The following AP1AR variants were observed in gnomAD, a reference collection of about 807,000 sequenced individuals.
AP1AR encodes the protein adaptor related protein complex 1 associated regulatory protein, also known as AP-1 complex-associated regulatory protein.
A neutral mutation model predicts 46.3 loss-of-function variants in AP1AR; 29 were observed. That is an observed-to-expected ratio of 0.63 (90% CI 0.47 to 0.85). AP1AR has a LOEUF of 0.85. Ranked by LOEUF, AP1AR falls within the 40% of genes least tolerant of loss-of-function variation. The pLI is 0.00. For synonymous variants in AP1AR, 122 were observed against 122.9 expected (o/e 0.99, Z 0.05); for missense variants, 357 against 356.3 (o/e 1.00, Z -0.02).
At chr4:112,235,062 A>G (rs1301709164) in intron 1 of AP1AR, among the ~76,000 whole-genome samples, 1 of 152,232 alleles carries the variant, frequency 6.6e-6, no homozygotes, top group Non-Finnish European at 1.5e-5. Context: ...GTGTTGACGT[A>G]TGTTGGAAAC....
Position 112,263,082 on chromosome 4 carries a change from T to C in AP1AR, c.377T>C (p.Leu126Ser). The C allele has an allele frequency of 6.2e-7, 1 of 1,612,714 alleles. No homozygotes were observed. The highest frequency in any genetic ancestry group is 8.5e-7 in the Non-Finnish European group (1 of 1,179,264). The change falls in exon 6 of 10, where the codon TTG becomes TCG. Residue 126 changes from leucine (L) to serine (S), a missense_variant. Physicochemically the swap from Leu to Ser is moderately radical, Grantham distance 145 (BLOSUM62 -2). Transcript: ENST00000274000. Reference sequence around the variant, plus strand: ...AGGGCAGCAAAGCAGCGAAAGCTCTTGGAGGTGAGGGGAAAAGACCCCAGC... The same window carrying C: ...AGGGCAGCAAAGCAGCGAAAGCTCTCGGAGGTGAGGGGAAAAGACCCCAGC... ...AARAAKQRKL[L>S]EQERQRIVQQ... is the part of the protein sequence containing the mutation.
chr4:112,262,076 G>A (rs1309942673), intron 5 of AP1AR, among the ~76,000 whole-genome samples: 3 of 152,094 alleles, frequency 2.0e-5, no homozygotes, highest in Non-Finnish European at 2.9e-5. Flanking sequence ...GCACTTTGGA[G>A]GCCAAGACAG....
intron 3 of AP1AR, among the ~76,000 whole-genome samples, chr4:112,257,038 T>C (rs1047452784): frequency 5.7e-4 from 87 of 152,334 alleles, no homozygotes; most frequent in African/African-American, 1.8e-3. Flanking sequence ...CTCATGCTTG[T>C]ATGAAGCTTA....
chr4:112,249,021 G>A lies in AP1AR; in HGVS notation c.84-4187G>A, dbSNP rs540778747. Among the ~76,000 whole-genome samples, 9 of 152,220 alleles carry A rather than the reference G, an allele frequency of 5.9e-5. 1 individual carries two copies. The South Asian group carries it at 8.3e-4, about 14-fold the overall frequency. On this transcript the variant is annotated intron_variant, in intron 1 of 9. Coordinates refer to ENST00000274000, the MANE Select transcript of AP1AR (RefSeq NM_018569.6). ...TAAAATAACCTCCTGTTCCGGGTGC[G>A]GTGGCTCACGCCTGTAATCCCAGCA... is the stretch of plus-strand genomic sequence containing the variant.
chr4:112,272,303 A>G lies in AP1AR; in HGVS notation c.*3894A>G, dbSNP rs1003386311. ...GGTGACAGGGAAGGGAAAATCTAAC[A>G]GGAGACATCTTGAGCTCATGGGCAA... is the stretch of plus-strand genomic sequence containing the variant. On this transcript the variant is annotated 3_prime_UTR_variant, in exon 10 of 10. Coordinates refer to ENST00000274000, the MANE Select transcript of AP1AR (RefSeq NM_018569.6). Among the ~76,000 whole-genome samples the G allele has an allele frequency of 2.0e-5, 3 of 152,016 alleles. No individual in the cohort carries two copies. Among genetic ancestry groups the G allele is most frequent in the Admixed American group, 6.6e-5 (1 of 15,246 alleles).
At position 112,272,664 on chromosome 4, in the gene AP1AR, C is replaced by G. The variant is rs978543898; in HGVS notation, c.*4255C>G. ...TTTTGACGTCCCCCTTCGTTCCATC[C>G]AAGTGTACTTTTTTTTGCTTCAATA... On this transcript the variant is annotated 3_prime_UTR_variant, in exon 10 of 10. Coordinates refer to ENST00000274000, the MANE Select transcript of AP1AR (RefSeq NM_018569.6). 2.0e-5 allele frequency among the ~76,000 whole-genome samples: 3 copies of G among 152,138 alleles called. No individual in the cohort carries two copies. Among genetic ancestry groups the G allele is most frequent in the Non-Finnish European group, 4.4e-5 (3 of 68,000 alleles).
chr4:112,239,975 T>C (rs1370369029), intron 1 of AP1AR, among the ~76,000 whole-genome samples: 1 of 152,242 alleles, frequency 6.6e-6, no homozygotes, highest in East Asian at 1.9e-4. Flanking sequence ...CCTTTTCCAA[T>C]TTATCCTGCA....
chr4:112,238,098 G>T (rs1203479033), intron 1 of AP1AR, among the ~76,000 whole-genome samples: 1 of 152,214 alleles, frequency 6.6e-6, no homozygotes, highest in Non-Finnish European at 1.5e-5. Context: ...ATAGGCAGAG[G>T]GCCAGATTTG....
intron 1 of AP1AR, among the ~76,000 whole-genome samples, chr4:112,238,738 C>T (rs1240440450): frequency 6.6e-6 from 1 of 152,134 alleles, no homozygotes; most frequent in African/African-American, 2.4e-5. Context: ...GGTACTTCAC[C>T]TACTACTTAT....
At chr4:112,263,640 A>T (rs1726550322) in intron 6 of AP1AR, among the ~76,000 whole-genome samples, 1 of 152,144 alleles carries the variant, frequency 6.6e-6, no homozygotes, top group South Asian at 2.1e-4. Flanking sequence ...CAGAGAAGGC[A>T]GCAGATTTAC....
intron 1 of AP1AR, among the ~76,000 whole-genome samples, chr4:112,245,080 A>G (rs148850609): frequency 7.9e-5 from 12 of 152,196 alleles, no homozygotes; most frequent in Admixed American, 2.0e-4. Flanking sequence ...ATTCTCCTTT[A>G]TTTTTAGATT....
chr4:112,264,653 G>T (rs1368814198), intron 6 of AP1AR, among the ~76,000 whole-genome samples: 1 of 152,066 alleles, frequency 6.6e-6, no homozygotes, highest in Non-Finnish European at 1.5e-5. Context: ...GGAACTTCAT[G>T]TATTGTTTTA....
chr4:112,238,760 T>A (rs1019053348), intron 1 of AP1AR, among the ~76,000 whole-genome samples: 2 of 152,344 alleles, frequency 1.3e-5, no homozygotes, highest in Middle Eastern at 3.4e-3. Flanking sequence ...TGCTAATAAG[T>A]TCAGTCATCT....
intron 3 of AP1AR, among the ~76,000 whole-genome samples, chr4:112,257,032 T>C (rs568744574): frequency 2.0e-5 from 3 of 152,312 alleles, no homozygotes; most frequent in Non-Finnish European, 4.4e-5. Flanking sequence ...CACAAACTCA[T>C]GCTTGTATGA....
chr4:112,239,919 CTGAG>C (rs1056654562), intron 1 of AP1AR, among the ~76,000 whole-genome samples: 1 of 152,208 alleles, frequency 6.6e-6, no homozygotes, highest in African/African-American at 2.4e-5. Context: ...TATTTGTCGA[CTGAG>C]TGAATAGACT....
At chr4:112,251,809 T>G (rs887950507) in intron 1 of AP1AR, among the ~76,000 whole-genome samples, 1 of 152,242 alleles carries the variant, frequency 6.6e-6, no homozygotes, top group Non-Finnish European at 1.5e-5. Flanking sequence ...GGAATTGTAA[T>G]ACCAAATTCT....
chr4:112,247,295 AAAG>A (rs1414860192), intron 1 of AP1AR, among the ~76,000 whole-genome samples: 3 of 152,226 alleles, frequency 2.0e-5, no homozygotes, highest in Admixed American at 6.5e-5. Context: ...GGTGTGAAGA[AAAG>A]AAGAAAAGAA....
intron 1 of AP1AR, among the ~76,000 whole-genome samples, chr4:112,233,943 T>C (rs897486820): frequency 6.6e-6 from 1 of 152,144 alleles, no homozygotes; most frequent in Admixed American, 6.5e-5. Flanking sequence ...ACTGCAACCT[T>C]CGCCTCCCGG....
At chr4:112,253,102 A>C in intron 1 of AP1AR, 106 bp from the exon 2 acceptor site, 8 of 756,972 alleles carry the variant, frequency 1.1e-5, no homozygotes, top group Non-Finnish European at 1.7e-5. Flanking sequence ...ACTATATGTT[A>C]GAGATTTTAA....
Sources: gnomAD v4.1 joint callset for allele counts (sites outside exome capture counted in the v4.1 genomes callset) on GRCh38, gnomAD v4.1.1 for gene constraint, MANE v1.5 for transcripts, NCBI Gene and HGNC (gene_info 2026-07-23, HGNC 2026-07-21) for gene names.